The following ABLIM2 variants were observed in gnomAD, a reference collection of about 807,000 sequenced individuals.
The protein encoded by ABLIM2 is actin-binding LIM protein 2.
ABLIM2 carries 53 observed loss-of-function variants against 97.7 expected under a neutral mutation model. The ratio of observed to expected loss-of-function variants is 0.54; its 90% CI spans 0.44 to 0.68. The LOEUF (loss-of-function observed/expected upper bound fraction) is 0.68, where lower values mean the gene tolerates loss of function less well. ABLIM2 is among the 30% of genes least tolerant of loss of function. ABLIM2 has a pLI of 0.00. For synonymous variants in ABLIM2, 361 were observed against 345.8 expected (o/e 1.04, Z -0.49); for missense variants, 835 against 867.2 (o/e 0.96, Z 0.47).
Position 8,071,409 on chromosome 4 carries a change from G to C in ABLIM2, c.675+6219C>G, listed in dbSNP as rs1811938982. Among the ~76,000 whole-genome samples the C allele has an allele frequency of 6.6e-6, 1 of 152,212 alleles. No individual in the cohort carries two copies. The highest frequency in any genetic ancestry group is 2.1e-4 in the South Asian group (1 of 4,832). ...GCATGAGGGTGCTGCACGTTTAGGA[G>C]AAACTGAGGGAGAGACGGGGAAGGA... is the stretch of plus-strand genomic sequence containing the variant. On this transcript the variant is annotated intron_variant, in intron 6 of 20. Transcript: ENST00000447017. The surrounding 1 kb of genome is among the most constrained non-coding windows in gnomAD (Gnocchi z 6.2).
intron 2 of ABLIM2, among the ~76,000 whole-genome samples, chr4:8,103,721 A>C (rs1213963115): frequency 6.6e-6 from 1 of 152,200 alleles, no homozygotes; most frequent in Non-Finnish European, 1.5e-5. Context: ...CATCCACTGA[A>C]GGAGGCTGAA....
At position 8,088,253 on chromosome 4, in the gene ABLIM2, A is replaced by G; in HGVS notation, c.370T>C (p.Phe124Leu). 1 of 1,612,454 alleles carries G rather than the reference A, an allele frequency of 6.2e-7. No homozygotes were observed. The change falls in exon 4 of 21, where the codon TTC (phenylalanine) becomes CTC (leucine). Residue 124 changes from phenylalanine to leucine, a missense_variant. Physicochemically the swap from Phe to Leu is conservative, Grantham distance 22. Transcript: ENST00000447017. ...TGGCACATGCATTCCTTCCCGTTGA[A>G]GGTCACTCGGTCCCCGGGGGGGAAG... The part of the protein sequence containing the change: ...LPFPPGDRVT[F>L]NGKECMCQKC...
At chr4:7,980,521 C>T (rs970646290) in intron 20 of ABLIM2, among the ~76,000 whole-genome samples, 2 of 152,070 alleles carry the variant, frequency 1.3e-5, no homozygotes, top group African/African-American at 4.8e-5. Flanking sequence ...TTGAGAACAG[C>T]CTGGCCAACG....
chr4:7,999,158 C>A lies in ABLIM2; in HGVS notation c.1619-6231G>T, dbSNP rs1214731519. Among the ~76,000 whole-genome samples, 1 of 152,170 alleles carries A rather than the reference C, an allele frequency of 6.6e-6. No individual in the cohort carries two copies. The highest frequency in any genetic ancestry group is 1.5e-5 in the Non-Finnish European group (1 of 68,024). ...TTGGCTCACTGCAACCTCCTGGGTTCAAGCGATTCTCCTGCCTCAGCCTCC... is the reference window on the plus strand; with the variant it reads ...TTGGCTCACTGCAACCTCCTGGGTTAAAGCGATTCTCCTGCCTCAGCCTCC... On this transcript the variant is annotated intron_variant, in intron 16 of 20. Transcript: ENST00000447017. This position sits in a 1 kb window ranked among gnomAD's most constrained non-coding sequence, Gnocchi z 4.4.
intron 2 of ABLIM2, among the ~76,000 whole-genome samples, chr4:8,102,918 A>G (rs1481347281): frequency 6.6e-6 from 1 of 152,166 alleles, no homozygotes; most frequent in Non-Finnish European, 1.5e-5. Context: ...TGGGGAGTCT[A>G]TGGGGACTTC....
Position 8,127,788 on chromosome 4 carries a change from T to C in ABLIM2, c.11-21151A>G, listed in dbSNP as rs1848640924. 2 of 885,032 alleles carry C rather than the reference T, an allele frequency of 2.3e-6. No homozygotes were observed. Among genetic ancestry groups the C allele is most frequent in the South Asian group, 5.3e-5 (1 of 18,756 alleles). 54.8% of individuals were successfully genotyped at this position (885,032 alleles called of 1,614,324 possible). On this transcript the variant is annotated intron_variant, in intron 1 of 20. Coordinates refer to ENST00000447017, the MANE Select transcript of ABLIM2 (RefSeq NM_001130083.2). This position sits in a 1 kb window ranked among gnomAD's most constrained non-coding sequence, Gnocchi z 7.3. Reference sequence around the variant, plus strand: ...ACTGAAATAGACTCCCGCCACACTATGCGCCAGAGACACACCTGTCTCCCA... The same window carrying C: ...ACTGAAATAGACTCCCGCCACACTACGCGCCAGAGACACACCTGTCTCCCA...
In ABLIM2 at chr4:8,127,710, G is replaced by T; in HGVS notation, c.11-21073C>A. 1 of 1,237,426 alleles carries T rather than the reference G, an allele frequency of 8.1e-7. No individual in the cohort carries two copies. Among genetic ancestry groups the T allele is most frequent in the South Asian group, 1.3e-5 (1 of 74,520 alleles). The allele number at this position is 1,237,426 out of a possible 1,614,324, so 76.7% of individuals were successfully genotyped here. A position where few individuals can be genotyped will look rare whatever the true frequency, so the allele number is the denominator to read the frequency against. Reference sequence around the variant, plus strand: ...CCACAGGGCTCCCACAAGGTCACGTGGCAGCTGCCACCCTCTGCCCGGGGA... The same window carrying T: ...CCACAGGGCTCCCACAAGGTCACGTTGCAGCTGCCACCCTCTGCCCGGGGA... On this transcript the variant is annotated intron_variant, in intron 1 of 20. Coordinates refer to ENST00000447017, the MANE Select transcript of ABLIM2 (RefSeq NM_001130083.2). The surrounding 1 kb of genome is among the most constrained non-coding windows in gnomAD (Gnocchi z 7.3).
At chr4:8,026,384 C>T (rs1047142509) in intron 12 of ABLIM2, among the ~76,000 whole-genome samples, 12 of 152,208 alleles carry the variant, frequency 7.9e-5, no homozygotes, top group Non-Finnish European at 1.6e-4. Flanking sequence ...ACGGCCATGT[C>T]CATCAATGGC....
At chr4:8,014,237 G>C (rs1767127637) in intron 14 of ABLIM2, among the ~76,000 whole-genome samples, 1 of 152,232 alleles carries the variant, frequency 6.6e-6, no homozygotes, top group Admixed American at 6.5e-5. Flanking sequence ...TAGCAACTGG[G>C]GAAGGTGCCC....
chr4:7,984,495 C>T (rs1444921869), intron 18 of ABLIM2, among the ~76,000 whole-genome samples: 4 of 152,240 alleles, frequency 2.6e-5, no homozygotes, highest in South Asian at 4.1e-4. Context: ...GGGAGCAAGG[C>T]GCAGGCAGGG....
intron 20 of ABLIM2, among the ~76,000 whole-genome samples, chr4:7,974,457 A>G (rs1348801017): frequency 7.5e-6 from 1 of 134,028 alleles, no homozygotes; most frequent in East Asian, 2.2e-4. Flanking sequence ...CCACTCATCC[A>G]TCCACCCACA....
intron 20 of ABLIM2, among the ~76,000 whole-genome samples, chr4:7,978,631 G>A (rs899993420): frequency 3.9e-5 from 6 of 152,070 alleles, no homozygotes; most frequent in Admixed American, 2.0e-4. Flanking sequence ...GAGGGGACAC[G>A]CCCTTTGAGG....
At chr4:7,997,368 C>G (rs1754009943) in intron 16 of ABLIM2, among the ~76,000 whole-genome samples, 1 of 152,202 alleles carries the variant, frequency 6.6e-6, no homozygotes, top group Non-Finnish European at 1.5e-5. Context: ...CTGCGCCCAG[C>G]CGCTATTATT....
At position 8,001,749 on chromosome 4, in the gene ABLIM2, C is replaced by T. The variant is rs983017935; in HGVS notation, c.1618+6310G>A. Reference sequence around the variant, plus strand: ...AGCCCCCAGCTCTCCCTGGGCTGTCCCTCCACGCCCTTTCTGCAGGATCAG... The same window carrying T: ...AGCCCCCAGCTCTCCCTGGGCTGTCTCTCCACGCCCTTTCTGCAGGATCAG... On this transcript the variant is annotated intron_variant, in intron 16 of 20. Transcript: ENST00000447017. The surrounding 1 kb of genome is among the most constrained non-coding windows in gnomAD (Gnocchi z 4.2). 6.6e-6 allele frequency among the ~76,000 whole-genome samples: 1 copy of T among 152,138 alleles called. No homozygotes were observed. The highest frequency in any genetic ancestry group is 1.5e-5 in the Non-Finnish European group (1 of 68,020).
chr4:8,008,945 C>G, intron 15 of ABLIM2, 105 bp downstream of exon 15: 1 of 1,391,266 alleles, frequency 7.2e-7, no homozygotes. Context: ...CCCTAAGGAA[C>G]AGAATGTAAG....
rs1744502667 is a variant in ABLIM2 at position 7,986,724 on chromosome 4, G to A, written c.1681-1831C>T. ...GTCTTGCTCTGTCAGCCAAGCTGGA[G>A]TGCAATGGCGTGATCTCGGCTCAAT... is the stretch of plus-strand genomic sequence containing the variant. On this transcript the variant is annotated intron_variant, in intron 17 of 20. Coordinates refer to ENST00000447017, the MANE Select transcript of ABLIM2 (RefSeq NM_001130083.2). The surrounding 1 kb of genome is among the most constrained non-coding windows in gnomAD (Gnocchi z 4.3). Among the ~76,000 whole-genome samples, 1 of 152,124 alleles carries A rather than the reference G, an allele frequency of 6.6e-6. No individual in the cohort carries two copies. The highest frequency in any genetic ancestry group is 1.5e-5 in the Non-Finnish European group (1 of 68,034).
rs771034480 is a variant in ABLIM2 at position 8,071,845 on chromosome 4, G to A, written c.675+5783C>T. 6 of 985,410 alleles carry A rather than the reference G, an allele frequency of 6.1e-6. No individual in the cohort carries two copies. The highest frequency in any genetic ancestry group is 7.2e-6 in the Non-Finnish European group (6 of 829,962). The allele number at this position is 985,410 out of a possible 1,614,324, so 61.0% of individuals were successfully genotyped here. A position where few individuals can be genotyped will look rare whatever the true frequency, so the allele number is the denominator to read the frequency against. On this transcript the variant is annotated intron_variant, in intron 6 of 20. Coordinates refer to ENST00000447017, the MANE Select transcript of ABLIM2 (RefSeq NM_001130083.2). This position sits in a 1 kb window ranked among gnomAD's most constrained non-coding sequence, Gnocchi z 6.2. ...CGTGCTCCCTGGAACGTGTGCCTGC[G>A]AGGGTGGACACCCTCACCTTCAGCC...
In ABLIM2 at chr4:8,123,039, G is replaced by A. The variant is rs144107312; in HGVS notation, c.11-16402C>T. 5.3e-3 allele frequency among the ~76,000 whole-genome samples: 812 copies of A among 152,292 alleles called. 5 individuals are homozygous for A. Among genetic ancestry groups the A allele is most frequent in the Middle Eastern group, 0.017 (5 of 294 alleles). ...TCTGCAAGCCTCCTTCCTATCTGCT[G>A]CTGCTCTTCCTGGCATGAAGCAGTC... On this transcript the variant is annotated intron_variant, in intron 1 of 20. Coordinates refer to ENST00000447017, the MANE Select transcript of ABLIM2 (RefSeq NM_001130083.2). This position sits in a 1 kb window ranked among gnomAD's most constrained non-coding sequence, Gnocchi z 6.2.
In ABLIM2 at chr4:8,091,615, AATT is replaced by A. The variant is rs1441370077; in HGVS notation, c.339-3334_339-3332del. ...ATATATAATTATATATATTATGTAT[AATT>A]TTATATAAAATTATATATATAATTT... On this transcript the variant is annotated intron_variant, in intron 3 of 20. Transcript: ENST00000447017. Among the ~76,000 whole-genome samples, 16 of 39,948 alleles carry A rather than the reference AATT, an allele frequency of 4.0e-4. 3 individuals are homozygous for A. The East Asian group carries it at 0.014, about 36-fold the overall frequency. 26.2% of individuals were successfully genotyped at this position (39,948 alleles called of 152,430 possible).
Sources: gnomAD v4.1 joint callset for allele counts (sites outside exome capture counted in the v4.1 genomes callset) on GRCh38, gnomAD v4.1.1 for gene constraint, Gnocchi (gnomAD v3.1) non-coding constraint, MANE v1.5 for transcripts, NCBI Gene and HGNC (gene_info 2026-07-23, HGNC 2026-07-21) for gene names.